The following MYLK variants were observed in gnomAD, a reference collection of about 807,000 sequenced individuals.
MYLK encodes the protein myosin light chain kinase, smooth muscle.
Under a neutral mutation model 203.4 loss-of-function variants are expected in MYLK, and 106 were observed. The observed-to-expected ratio is 0.52, with a 90% CI of 0.45 to 0.61. The LOEUF is 0.61. MYLK is among the 20% of genes least tolerant of loss of function. The pLI is 0.00. For missense variants in MYLK, 2,072 were observed against 2,442.3 expected, an observed-to-expected ratio of 0.85 and a Z score of 3.20; for synonymous variants, 867 against 959.5, an observed-to-expected ratio of 0.90 and a Z score of 1.78.
chr3:123,842,331 C>A (rs1323420117), intron 2 of MYLK, among the ~76,000 whole-genome samples: 1 of 151,970 alleles, frequency 6.6e-6, no homozygotes, highest in African/African-American at 2.4e-5. Flanking sequence ...GTAGAGAATA[C>A]CCCTGGCATC....
At chr3:123,709,300 C>T (rs2061596358) in intron 14 of MYLK, 1 of 237,282 alleles carries the variant, frequency 4.2e-6, no homozygotes, top group Non-Finnish European at 8.4e-6. Context: ...GCCACCACAC[C>T]CAGCTAATTT....
At chr3:123,808,946 T>C (rs1577038256) in intron 3 of MYLK, among the ~76,000 whole-genome samples, 1 of 152,178 alleles carries the variant, frequency 6.6e-6, no homozygotes, top group East Asian at 1.9e-4. Context: ...AGGTCTCTGA[T>C]TCCAGGCTTC....
At chr3:123,702,898 G>A (rs1405022768) in intron 16 of MYLK, among the ~76,000 whole-genome samples, 1 of 152,148 alleles carries the variant, frequency 6.6e-6, no homozygotes, top group African/African-American at 2.4e-5. Flanking sequence ...TGGAGGGAGG[G>A]GTTGGGACCT....
At chr3:123,821,744 T>C (rs1010340032) in intron 3 of MYLK, among the ~76,000 whole-genome samples, 2 of 152,218 alleles carry the variant, frequency 1.3e-5, no homozygotes, top group African/African-American at 2.4e-5. Context: ...TCATTATGTT[T>C]ATGTAAGAGA....
chr3:123,828,879 C>T (rs1261363204), intron 3 of MYLK, among the ~76,000 whole-genome samples: 1 of 151,996 alleles, frequency 6.6e-6, no homozygotes, highest in African/African-American at 2.4e-5. Context: ...CAGGGAAATA[C>T]AAATCAAAAC....
chr3:123,724,293 C>T (rs975999569), intron 12 of MYLK, among the ~76,000 whole-genome samples: 2 of 152,028 alleles, frequency 1.3e-5, no homozygotes, highest in Admixed American at 6.6e-5. Flanking sequence ...CCTATGGCTG[C>T]TTTTATACCA....
Position 123,842,552 on chromosome 3 carries a change from A to G in MYLK, c.-126-10882T>C, listed in dbSNP as rs76329933. Among the ~76,000 whole-genome samples the G allele has an allele frequency of 3.7e-3, 564 of 152,022 alleles. 4 individuals are homozygous for G. The highest frequency in any genetic ancestry group is 0.011 in the South Asian group (54 of 4,808). On this transcript the variant is annotated intron_variant, in intron 2 of 33. Coordinates refer to ENST00000360304, the MANE Select transcript of MYLK (RefSeq NM_053025.4). ...TGCATTACTCTTTTCAAACACATAG[A>G]AAATATTTTCAAAAATTAAACTGCA... is the stretch of plus-strand genomic sequence containing the variant.
intron 5 of MYLK, among the ~76,000 whole-genome samples, chr3:123,742,928 A>G (rs1157927448): frequency 6.6e-6 from 1 of 152,196 alleles, no homozygotes; most frequent in African/African-American, 2.4e-5. Flanking sequence ...GCAAATCCAT[A>G]GAGAAAGATG....
intron 18 of MYLK, chr3:123,693,511 C>A: frequency 6.5e-6 from 1 of 154,330 alleles, no homozygotes. Flanking sequence ...GCAGAGGGGC[C>A]CTCTGGGGCT....
intron 20 of MYLK, among the ~76,000 whole-genome samples, chr3:123,670,034 C>CAAAAAAAAAAA (rs57445681): frequency 5.4e-5 from 2 of 37,040 alleles, no homozygotes; most frequent in African/African-American, 1.8e-4. Flanking sequence ...GACTCCATCT[C>CAAAAAAAAAAA]AAAAAAAAAA....
intron 27 of MYLK, among the ~76,000 whole-genome samples, chr3:123,641,998 G>A (rs2058854476): frequency 1.3e-5 from 2 of 151,976 alleles, no homozygotes; most frequent in Admixed American, 6.5e-5. Context: ...AGGACTACAG[G>A]TATGTGCCAC....
At chr3:123,802,528 G>A (rs1015254455) in intron 3 of MYLK, among the ~76,000 whole-genome samples, 1 of 152,254 alleles carries the variant, frequency 6.6e-6, no homozygotes, top group Admixed American at 6.5e-5. Flanking sequence ...CACAACCCTG[G>A]TGCCCACATC....
chr3:123,725,803 T>G, intron 12 of MYLK, 141 bp downstream of exon 12: 1 of 1,266,202 alleles, frequency 7.9e-7, no homozygotes. Flanking sequence ...CCAGTGCCCG[T>G]GCTCTCTTTG....
chr3:123,666,293 C>G lies in MYLK; in HGVS notation c.3757G>C (p.Glu1253Gln). 6.2e-7 allele frequency: 1 copy of G among 1,614,246 alleles called. No homozygotes were observed. Among genetic ancestry groups the G allele is most frequent in the Non-Finnish European group, 8.5e-7 (1 of 1,180,046 alleles). The change falls in exon 22 of 34, where the codon GAG (glutamate) becomes CAG (glutamine). Residue 1253 changes from glutamate to glutamine, a missense_variant. Transcript: ENST00000360304. ...ACTTTGCCAAACAGCTCCACTGACT[C>G]TCCTGCGCGTACCTTCTGGTCCTCA... ...FPEDQKVRAG[E>Q]SVELFGKVTG...
chr3:123,712,051 T>C (rs551645348), intron 13 of MYLK, among the ~76,000 whole-genome samples: 1 of 152,342 alleles, frequency 6.6e-6, no homozygotes, highest in African/African-American at 2.4e-5. Context: ...TTGAAGGGCA[T>C]GGAGCCTGAG....
intron 24 of MYLK, among the ~76,000 whole-genome samples, chr3:123,650,251 G>A (rs1005163692): frequency 6.6e-6 from 1 of 152,206 alleles, no homozygotes; most frequent in Non-Finnish European, 1.5e-5. Flanking sequence ...GCCCTGGCTA[G>A]CTCTGGATGC....
intron 18 of MYLK, among the ~76,000 whole-genome samples, chr3:123,698,080 G>A (rs1450796047): frequency 6.6e-6 from 1 of 152,140 alleles, no homozygotes; most frequent in Non-Finnish European, 1.5e-5. Context: ...TGAGTGAATT[G>A]TTTGTAAGTG....
Position 123,733,909 on chromosome 3 carries a change from C to T in MYLK, c.1087G>A (p.Val363Ile). ...QPEPRAPGLG[V>I]LSPSGEERKR... ...CTCTCTTCTCCAGAAGGTGATAGGA[C>T]CCCCAGGCCTGGTGCTCTTGGTTCC... Residue 363 changes from valine (V) to isoleucine (I), a missense_variant, in exon 10 of 34, where the codon GTC (valine) becomes ATC (isoleucine). By Grantham distance (29) the Val-to-Ile change is conservative. Transcript: ENST00000360304. The T allele has an allele frequency of 6.2e-7, 1 of 1,614,148 alleles. No individual in the cohort carries two copies. Among genetic ancestry groups the T allele is most frequent in the South Asian group, 1.1e-5 (1 of 91,040 alleles).
Position 123,707,866 on chromosome 3 carries a change from C to T in MYLK, c.2278G>A (p.Ala760Thr). ...PTVHWLRDGK[A>T]LCKDTGHFEV... ...AAGTGGCCAGTGTCTTTGCAGAGGG[C>T]TTTGCCATCTCTGAGCCAGTGCACG... The change falls in exon 16 of 34, where the codon GCC becomes ACC. Residue 760 changes from alanine (A) to threonine (T), a missense_variant. Ala to Thr is a moderately conservative substitution (Grantham distance 58). This residue lies in a region of MYLK where 865 missense variants were observed against 1,016.0 expected (regional missense o/e 0.85). Coordinates refer to ENST00000360304, the MANE Select transcript of MYLK (RefSeq NM_053025.4). 1 of 1,614,218 alleles carries T rather than the reference C, an allele frequency of 6.2e-7. No individual in the cohort carries two copies. The highest frequency in any genetic ancestry group is 1.1e-5 in the South Asian group (1 of 91,080).
Sources: gnomAD v4.1 joint callset for allele counts (sites outside exome capture counted in the v4.1 genomes callset) on GRCh38, gnomAD v4.1.1 for gene constraint, gnomAD v4.1.1 regional missense constraint, MANE v1.5 for transcripts, NCBI Gene and HGNC (gene_info 2026-07-23, HGNC 2026-07-21) for gene names.